The following NRXN1 variants were observed in gnomAD, a reference collection of about 807,000 sequenced individuals.
NRXN1 encodes neurexin 1, also known as neurexin-1.
In NRXN1, 39 loss-of-function variants were observed where a neutral mutation model predicts 150.9. That is an observed-to-expected ratio of 0.26 (90% confidence interval 0.20 to 0.34). The LOEUF is 0.34. NRXN1 is among the 10% of genes least tolerant of loss of function. The pLI is 1.00. For synonymous variants in NRXN1, 924 were observed against 757.0 expected (o/e 1.22, Z -3.62); for missense variants, 1,815 against 1,949.9 (o/e 0.93, Z 1.30).
At chr2:50,957,490 A>T (rs1692459346) in intron 2 of NRXN1, among the ~76,000 whole-genome samples, 1 of 152,172 alleles carries the variant, frequency 6.6e-6, no homozygotes, top group Non-Finnish European at 1.5e-5. Flanking sequence ...TGCACACAAT[A>T]GCCCTACAAC....
intron 10 of NRXN1, among the ~76,000 whole-genome samples, chr2:50,532,885 G>T (rs2093155765): frequency 6.6e-6 from 1 of 152,090 alleles, no homozygotes; most frequent in Non-Finnish European, 1.5e-5. Flanking sequence ...CTTTCTCATT[G>T]GTTCCGATAA....
chr2:50,539,523 T>C (rs1314186583), intron 9 of NRXN1, among the ~76,000 whole-genome samples: 4 of 150,126 alleles, frequency 2.7e-5, no homozygotes, highest in Non-Finnish European at 4.4e-5. Context: ...GTGGAATCTA[T>C]GAAAAAAAAA....
chr2:50,861,929 C>T (rs977007907), intron 5 of NRXN1, among the ~76,000 whole-genome samples: 3 of 152,088 alleles, frequency 2.0e-5, no homozygotes, highest in African/African-American at 7.2e-5. Flanking sequence ...GGGCTGGGTG[C>T]AGTGGCTCAC....
intron 9 of NRXN1, among the ~76,000 whole-genome samples, chr2:50,539,639 C>A (rs1023922853): frequency 3.9e-5 from 6 of 152,172 alleles, no homozygotes; most frequent in African/African-American, 1.4e-4. Context: ...CAAATGCAAC[C>A]ATGATACCTG....
intron 18 of NRXN1, chr2:50,175,252 A>G (rs774098054): frequency 1.3e-5 from 2 of 152,214 alleles, no homozygotes; most frequent in African/African-American, 4.8e-5. Flanking sequence ...AATCAAGTGC[A>G]CATGCTTTCT....
intron 5 of NRXN1, chr2:50,918,148 C>A (rs980708736): frequency 6.6e-6 from 1 of 151,660 alleles, no homozygotes; most frequent in Admixed American, 6.6e-5. Flanking sequence ...GAGAATAAGG[C>A]TTATGCACTT....
intron 8 of NRXN1, among the ~76,000 whole-genome samples, chr2:50,605,406 T>C (rs948411845): frequency 5.3e-5 from 8 of 151,702 alleles, no homozygotes; most frequent in South Asian, 2.1e-4. Context: ...TTTGGAGGAG[T>C]TGCCCTATTC....
chr2:50,666,611 T>C (rs1462055032), intron 5 of NRXN1, among the ~76,000 whole-genome samples: 2 of 151,912 alleles, frequency 1.3e-5, no homozygotes, highest in Admixed American at 6.6e-5. Context: ...GGCATGACAA[T>C]AAACAGAGTG....
At chr2:50,084,579 C>CCGTG (rs924600137) in intron 19 of NRXN1, among the ~76,000 whole-genome samples, 9 of 152,276 alleles carry the variant, frequency 5.9e-5, no homozygotes, top group Admixed American at 2.6e-4. Flanking sequence ...CGGTTCCCGC[C>CCGTG]CGTGCCTCTC....
chr2:50,472,257 G>A (rs1244641340), intron 16 of NRXN1, 41 bp downstream of exon 16: 5 of 1,463,618 alleles, frequency 3.4e-6, no homozygotes, highest in Non-Finnish European at 4.6e-6. Flanking sequence ...TAGACAGGTG[G>A]AATTAGAATT....
chr2:49,988,179 T>C (rs1046479191), intron 21 of NRXN1, among the ~76,000 whole-genome samples: 1 of 151,782 alleles, frequency 6.6e-6, no homozygotes, highest in South Asian at 2.1e-4. Flanking sequence ...AATTAAAGGT[T>C]TTCTTACATA....
At chr2:50,245,998 C>G (rs1233647563) in intron 17 of NRXN1, among the ~76,000 whole-genome samples, 1 of 151,732 alleles carries the variant, frequency 6.6e-6, no homozygotes, top group African/African-American at 2.4e-5. Context: ...ATTCACAAAT[C>G]AAGGTCTCAT....
chr2:50,700,401 C>T (rs1693564736), intron 5 of NRXN1, among the ~76,000 whole-genome samples: 1 of 151,714 alleles, frequency 6.6e-6, no homozygotes, highest in African/African-American at 2.4e-5. Context: ...TTTTTCTGGA[C>T]AAGATATGGT....
chr2:50,018,735 G>T (rs951590614), intron 21 of NRXN1, among the ~76,000 whole-genome samples: 4 of 152,146 alleles, frequency 2.6e-5, no homozygotes, highest in Non-Finnish European at 4.4e-5. Context: ...TCTTTCCTGA[G>T]CAATCTTGGT....
intron 17 of NRXN1, among the ~76,000 whole-genome samples, chr2:50,439,674 G>A (rs984986593): frequency 9.9e-5 from 15 of 152,020 alleles, no homozygotes; most frequent in Middle Eastern, 3.4e-3. Context: ...AAAATTAGTC[G>A]GGCGTGGTGG....
chr2:49,989,430 G>A lies in NRXN1; in HGVS notation c.4129-45639C>T, dbSNP rs115664184. The stretch of plus-strand genomic sequence containing the variant: ...TAAGTGAATTCATCTTCTATTTGAA[G>A]AAAGTCAGAAAACCAACAGCCAACC... On this transcript the variant is annotated intron_variant, in intron 21 of 22. Transcript: ENST00000401669. 2.4e-3 allele frequency among the ~76,000 whole-genome samples: 362 copies of A among 152,272 alleles called. 2 individuals carry two copies. Among genetic ancestry groups the A allele is most frequent in the African/African-American group, 8.1e-3 (338 of 41,550 alleles).
intron 5 of NRXN1, among the ~76,000 whole-genome samples, chr2:50,806,416 T>C (rs1329504761): frequency 1.3e-5 from 2 of 152,196 alleles, no homozygotes; most frequent in Non-Finnish European, 2.9e-5. Context: ...TATTATTCAA[T>C]ATAAAATGGC....
intron 5 of NRXN1, among the ~76,000 whole-genome samples, chr2:50,807,037 C>T (rs929477109): frequency 3.3e-5 from 5 of 152,054 alleles, no homozygotes; most frequent in Non-Finnish European, 7.4e-5. Flanking sequence ...AGCATACACG[C>T]CAATCATCCT....
intron 17 of NRXN1, among the ~76,000 whole-genome samples, chr2:50,284,474 C>T (rs1308039405): frequency 1.3e-5 from 2 of 152,162 alleles, no homozygotes; most frequent in Non-Finnish European, 2.9e-5. Flanking sequence ...TTTAAAATTA[C>T]AACACCTTGG....
Sources: gnomAD v4.1 joint callset for allele counts (sites outside exome capture counted in the v4.1 genomes callset) on GRCh38, gnomAD v4.1.1 for gene constraint, MANE v1.5 for transcripts, NCBI Gene and HGNC (gene_info 2026-07-23, HGNC 2026-07-21) for gene names.